The following EDA2R variants were observed in gnomAD, a reference collection of about 807,000 sequenced individuals.
EDA2R encodes the protein tumor necrosis factor receptor superfamily member 27.
A neutral mutation model predicts 20.1 loss-of-function variants in EDA2R; 26 were observed. That is an observed-to-expected ratio of 1.30 (90% CI 0.95 to 1.80). The LOEUF (loss-of-function observed/expected upper bound fraction) is 1.80. EDA2R is among the 40% of genes most tolerant of loss of function. The probability of loss-of-function intolerance (pLI) is 0.00; values close to 1 mark genes in which losing one functional copy is unlikely to be tolerated. For missense variants in EDA2R, 277 were observed against 228.7 expected, an observed-to-expected ratio of 1.21 and a Z score of -1.36; for synonymous variants, 114 against 88.7, an observed-to-expected ratio of 1.29 and a Z score of -1.60.
At chrX:66,613,651 T>A (rs1308809401) in intron 2 of EDA2R, among the ~76,000 whole-genome samples, 1 of 111,801 alleles carries the variant, frequency 8.9e-6, no homozygotes, top group Non-Finnish European at 1.9e-5. Context: ...TTCTATGCAC[T>A]GTTGAAAATA....
At chrX:66,636,382 T>C (rs1450845551) in intron 1 of EDA2R, among the ~76,000 whole-genome samples, 2 of 110,809 alleles carry the variant, frequency 1.8e-5, no homozygotes, top group Non-Finnish European at 3.8e-5. Context: ...TACAATTATC[T>C]GAGCTGTTTG....
Position 66,605,042 on chromosome X carries a change from G to A in EDA2R, c.266+6C>T. 1 of 1,193,807 alleles carries A rather than the reference G, an allele frequency of 8.4e-7. No homozygotes were observed. The highest frequency in any genetic ancestry group is 1.1e-6 in the Non-Finnish European group (1 of 886,177). On this transcript the variant is annotated splice_donor_region_variant and intron_variant, in intron 3 of 6. Transcript: ENST00000374719. The stretch of plus-strand genomic sequence containing the variant: ...AGACAAGCTTGGTCTCATAAAGCAA[G>A]CTCACCTGGGCAAACAGTCCCCACA...
intron 6 of EDA2R, 102 bp downstream of exon 6, chrX:66,599,372 C>A: frequency 3.2e-6 from 3 of 950,795 alleles, no homozygotes; most frequent in Non-Finnish European, 4.2e-6. Context: ...TGTTCCTCCA[C>A]TCCTAGTGAA....
chrX:66,633,093 C>A (rs761889105), intron 1 of EDA2R, among the ~76,000 whole-genome samples: 206 of 112,184 alleles, frequency 1.8e-3, no homozygotes, highest in African/African-American at 6.4e-3. Context: ...ATTGTACAGA[C>A]AAAATTAATA....
intron 6 of EDA2R, among the ~76,000 whole-genome samples, chrX:66,598,854 C>A (rs1240351815): frequency 9.0e-6 from 1 of 111,642 alleles, no homozygotes; most frequent in African/African-American, 3.3e-5. Context: ...CTACCTCATG[C>A]TACATAAGCT....
In EDA2R at chrX:66,626,314, A is replaced by C. The variant is rs376440372; in HGVS notation, c.-10-10284T>G. Reference sequence around the variant, plus strand: ...ATATTCAAGGAAATAGATACCATAAAGAAAAAACAATAAAAACTTCAGGAA... The same window carrying C: ...ATATTCAAGGAAATAGATACCATAACGAAAAAACAATAAAAACTTCAGGAA... On this transcript the variant is annotated intron_variant, in intron 1 of 6. Transcript: ENST00000374719. 4.5e-5 allele frequency among the ~76,000 whole-genome samples: 5 copies of C among 112,307 alleles called. No individual in the cohort carries two copies. The East Asian group carries it at 1.1e-3, about 25-fold the overall frequency.
intron 1 of EDA2R, among the ~76,000 whole-genome samples, chrX:66,617,134 C>T (rs1028836668): frequency 4.5e-5 from 5 of 111,975 alleles, no homozygotes; most frequent in Non-Finnish European, 9.4e-5. Context: ...GTGCCAAAGT[C>T]CTAAATGTGT....
At chrX:66,627,747 A>G (rs1301995248) in intron 1 of EDA2R, among the ~76,000 whole-genome samples, 1 of 112,205 alleles carries the variant, frequency 8.9e-6, no homozygotes, top group African/African-American at 3.2e-5. Context: ...GGTGGAGTTC[A>G]ATACTCTACT....
rs901417532 is a variant in EDA2R, at chrX:66,597,102, A to G, written c.*1002T>C. 1 of 113,174 alleles carries G rather than the reference A, an allele frequency of 8.8e-6. No individual in the cohort carries two copies. Among genetic ancestry groups the G allele is most frequent in the South Asian group, 3.6e-4 (1 of 2,785 alleles). The allele number at this position is 113,174 out of a possible 1,213,427, so 9.3% of individuals were successfully genotyped here. ...AGTGCACATTCTGCCTAATGTACTT[A>G]ATAAACCACTTAATAGTTGTGGGAC... On this transcript the variant is annotated 3_prime_UTR_variant, in exon 7 of 7. Coordinates refer to ENST00000374719, the MANE Select transcript of EDA2R (RefSeq NM_021783.5).
intron 1 of EDA2R, among the ~76,000 whole-genome samples, chrX:66,625,092 G>C (rs1406856424): frequency 8.9e-6 from 1 of 111,881 alleles, no homozygotes; most frequent in Non-Finnish European, 1.9e-5. Flanking sequence ...CAGAGGCACA[G>C]GGGAAAATGC....
At position 66,597,649 on chromosome X, in the gene EDA2R, G is replaced by C. The variant is rs1470901551; in HGVS notation, c.*455C>G. ...TTTGTGTGTCTATGTATATGTGTGT[G>C]TATGTGTGTGTGTGTGTGTTGAGGA... On this transcript the variant is annotated 3_prime_UTR_variant, in exon 7 of 7. Coordinates refer to ENST00000374719, the MANE Select transcript of EDA2R (RefSeq NM_021783.5). 8.2e-6 allele frequency: 1 copy of C among 122,559 alleles called. No homozygotes were observed. The highest frequency in any genetic ancestry group is 3.3e-5 in the African/African-American group (1 of 30,390). The allele number at this position is 122,559 out of a possible 1,213,427, so 10.1% of individuals were successfully genotyped here.
chrX:66,634,008 CT>C (rs937266551), intron 1 of EDA2R, among the ~76,000 whole-genome samples: 12 of 110,286 alleles, frequency 1.1e-4, no homozygotes, highest in Middle Eastern at 9.5e-3. Flanking sequence ...AGAACAGTCT[CT>C]TTTTTTTTCC....
intron 2 of EDA2R, among the ~76,000 whole-genome samples, chrX:66,614,943 T>C (rs1931419104): frequency 9.0e-6 from 1 of 111,278 alleles, no homozygotes; most frequent in African/African-American, 3.3e-5. Context: ...CTCCTTTTCC[T>C]TCAAAATGCC....
At chrX:66,602,416 G>C (rs1228351353) in intron 5 of EDA2R, among the ~76,000 whole-genome samples, 1 of 110,736 alleles carries the variant, frequency 9.0e-6, no homozygotes, top group Non-Finnish European at 1.9e-5. Flanking sequence ...TAATGAACCA[G>C]GTCTTCTAAA....
intron 2 of EDA2R, among the ~76,000 whole-genome samples, chrX:66,613,432 G>A (rs1360517011): frequency 9.0e-6 from 1 of 111,392 alleles, no homozygotes; most frequent in African/African-American, 3.3e-5. Context: ...AATAAACACA[G>A]TAAAGTTGGT....
In EDA2R at chrX:66,602,794, G is replaced by A; in HGVS notation, c.356C>T (p.Ala119Val). 1 of 1,179,476 alleles carries A rather than the reference G, an allele frequency of 8.5e-7. No homozygotes were observed. The highest frequency in any genetic ancestry group is 1.9e-5 in the South Asian group (1 of 51,881). Reference protein sequence around the residue: ...KQTPTSEVQCAFQLSLVEADT... With the variant: ...KQTPTSEVQCVFQLSLVEADT... ...TGCCTCCACTAAGCTCAACTGGAAG[G>A]CACCTGTGAGACAAAAAAATGGGGG... is the stretch of plus-strand genomic sequence containing the variant. Residue 119 changes from alanine to valine, a missense_variant, in exon 5 of 7, where the codon GCC (alanine) becomes GTC (valine). Ala to Val is a moderately conservative substitution (Grantham distance 64). Coordinates refer to ENST00000374719, the MANE Select transcript of EDA2R (RefSeq NM_021783.5).
At chrX:66,608,031 T>A (rs750452017) in intron 2 of EDA2R, among the ~76,000 whole-genome samples, 2 of 111,840 alleles carry the variant, frequency 1.8e-5, no homozygotes, top group South Asian at 7.4e-4. Flanking sequence ...AGAAAAATTG[T>A]AAAATGGAAC....
chrX:66,599,090 A>C (rs1489285685), intron 6 of EDA2R, among the ~76,000 whole-genome samples: 1 of 112,241 alleles, frequency 8.9e-6, no homozygotes, highest in Admixed American at 9.5e-5. Flanking sequence ...ATGAAGGTTG[A>C]TTTGAAATGT....
Position 66,600,020 on chromosome X carries a change from A to C in EDA2R, c.518-160T>G, listed in dbSNP as rs1238710620. 4 of 1,154,030 alleles carry C rather than the reference A, an allele frequency of 3.5e-6. No individual in the cohort carries two copies. In the Admixed American group the frequency reaches 1.1e-4, roughly 31 times the overall value. ...ACCTAGCACCAGGCTGAGGTGACACAGTTGAGAAACATACTTACATTCAGG... is the reference window on the plus strand; with the variant it reads ...ACCTAGCACCAGGCTGAGGTGACACCGTTGAGAAACATACTTACATTCAGG... On this transcript the variant is annotated intron_variant, in intron 5 of 6. Coordinates refer to ENST00000374719, the MANE Select transcript of EDA2R (RefSeq NM_021783.5).
Sources: gnomAD v4.1 joint callset for allele counts (sites outside exome capture counted in the v4.1 genomes callset) on GRCh38, gnomAD v4.1.1 for gene constraint, MANE v1.5 for transcripts, NCBI Gene and HGNC (gene_info 2026-07-23, HGNC 2026-07-21) for gene names.